Variants in EPB41L4A observed in about 807,000 individuals in gnomAD.
EPB41L4A encodes the protein erythrocyte membrane protein band 4.1 like 4A.
A neutral mutation model predicts 108.6 loss-of-function variants in EPB41L4A; 100 were observed. That is an observed-to-expected ratio of 0.92 (90% CI 0.78 to 1.09). The LOEUF (loss-of-function observed/expected upper bound fraction) is 1.09. Ranked by LOEUF, EPB41L4A falls within the 50% of genes least tolerant of loss-of-function variation. EPB41L4A has a pLI of 0.00. For missense variants in EPB41L4A, 1,030 were observed against 842.7 expected (o/e 1.22, Z -2.75); for synonymous variants, 319 against 289.0 (o/e 1.10, Z -1.05).
At chr5:112,169,983 T>C in intron 20 of EPB41L4A, 1 of 307,982 alleles carries the variant, frequency 3.2e-6, no homozygotes, top group South Asian at 3.6e-5. Context: ...CATAATTCTC[T>C]TGGTGTAAAA....
intron 1 of EPB41L4A, among the ~76,000 whole-genome samples, chr5:112,319,386 C>T (rs1184259320): frequency 6.6e-6 from 1 of 152,018 alleles, no homozygotes; most frequent in Non-Finnish European, 1.5e-5. Context: ...CAATAAAATG[C>T]CAACTAATAA....
At chr5:112,325,138 G>A (rs1466793716) in intron 1 of EPB41L4A, among the ~76,000 whole-genome samples, 3 of 140,138 alleles carry the variant, frequency 2.1e-5, no homozygotes, top group African/African-American at 6.1e-5. Context: ...GAGAAATTAC[G>A]CACAATTAAA....
At chr5:112,247,050 G>A (rs1173789992) in intron 9 of EPB41L4A, among the ~76,000 whole-genome samples, 1 of 152,208 alleles carries the variant, frequency 6.6e-6, no homozygotes, top group Non-Finnish European at 1.5e-5. Flanking sequence ...AGCCAGGTTT[G>A]TGTAAAAATA....
chr5:112,307,414 A>G lies in EPB41L4A; in HGVS notation c.176T>C (p.Leu59Pro). 6.2e-7 allele frequency: 1 copy of G among 1,613,128 alleles called. No homozygotes were observed. Among genetic ancestry groups the G allele is most frequent in the Non-Finnish European group, 8.5e-7 (1 of 1,179,192 alleles). Residue 59 changes from leucine to proline, a missense_variant, in exon 2 of 23, where the codon CTA becomes CCA. Transcript: ENST00000261486. ...VNLVEIDYFG[L>P]RYCDRSHQTY... The stretch of plus-strand genomic sequence containing the variant: ...CTGATGGCTTCTGTCACAGTAACGT[A>G]GCCCAAAATAATCTATCTCCACAAG...
At chr5:112,210,601 G>A (rs912060823) in intron 12 of EPB41L4A, among the ~76,000 whole-genome samples, 1 of 152,130 alleles carries the variant, frequency 6.6e-6, no homozygotes, top group Non-Finnish European at 1.5e-5. Flanking sequence ...AGAGGAACCA[G>A]CAGAGGGAGC....
At chr5:112,272,585 GCCT>G (rs1752340027) in intron 4 of EPB41L4A, among the ~76,000 whole-genome samples, 1 of 151,780 alleles carries the variant, frequency 6.6e-6, no homozygotes, top group Non-Finnish European at 1.5e-5. Context: ...TTCAAGACCA[GCCT>G]GCCCAACATG....
At chr5:112,389,828 T>G (rs1760811913) in intron 1 of EPB41L4A, among the ~76,000 whole-genome samples, 1 of 152,148 alleles carries the variant, frequency 6.6e-6, no homozygotes, top group South Asian at 2.1e-4. Context: ...TCTCACTTGA[T>G]CCTCACAACA....
At chr5:112,193,416 C>T (rs1761805372) in intron 17 of EPB41L4A, among the ~76,000 whole-genome samples, 1 of 152,220 alleles carries the variant, frequency 6.6e-6, no homozygotes, top group South Asian at 2.1e-4. Flanking sequence ...ATTCTCCTGC[C>T]TCTGCCTCCT....
At chr5:112,168,113 C>G (rs1024799112) in intron 22 of EPB41L4A, among the ~76,000 whole-genome samples, 1 of 152,176 alleles carries the variant, frequency 6.6e-6, no homozygotes, top group African/African-American at 2.4e-5. Flanking sequence ...TCTTATTCAG[C>G]CCACATTTTT....
chr5:112,267,855 C>G (rs1255709953), intron 4 of EPB41L4A, among the ~76,000 whole-genome samples: 1 of 152,166 alleles, frequency 6.6e-6, no homozygotes, highest in East Asian at 1.9e-4. Context: ...CTTAAGATAG[C>G]TTGTAAAACT....
intron 12 of EPB41L4A, among the ~76,000 whole-genome samples, chr5:112,211,106 A>C (rs150145859): frequency 6.6e-6 from 1 of 152,204 alleles, no homozygotes; most frequent in Non-Finnish European, 1.5e-5. Flanking sequence ...TCATTTTAAA[A>C]GATTTAAAAA....
intron 4 of EPB41L4A, 147 bp downstream of exon 4, chr5:112,275,179 A>G: frequency 1.0e-6 from 1 of 983,958 alleles, no homozygotes; most frequent in East Asian, 3.2e-5. Flanking sequence ...ATGCAATGCT[A>G]GTTTAAATTT....
chr5:112,267,656 T>A (rs1056012939), intron 4 of EPB41L4A, among the ~76,000 whole-genome samples: 244 of 146,874 alleles, frequency 1.7e-3, no homozygotes, highest in African/African-American at 6.3e-3. Context: ...CAGGTCACTC[T>A]CTCCTAAACT....
In EPB41L4A at chr5:112,390,245, C is replaced by T. The variant is rs558529609; in HGVS notation, c.99+28696G>A. Among the ~76,000 whole-genome samples, 4 of 152,260 alleles carry T rather than the reference C, an allele frequency of 2.6e-5. No homozygotes were observed. The East Asian group carries it at 7.7e-4, about 29-fold the overall frequency. On this transcript the variant is annotated intron_variant, in intron 1 of 22. Coordinates refer to ENST00000261486, the MANE Select transcript of EPB41L4A (RefSeq NM_022140.5). ...GGTGAGCCAAAGCAGGGCGGGGCAT[C>T]GCCTCACCTGGGAAGCACAAGGGGT...
In EPB41L4A at chr5:112,183,587, CTCACTGACTACT is replaced by C. The variant is rs140847632; in HGVS notation, c.1622+417_1622+428del. Among the ~76,000 whole-genome samples, 874 of 152,312 alleles carry C rather than the reference CTCACTGACTACT, an allele frequency of 5.7e-3. 3 individuals carry two copies. Among genetic ancestry groups the C allele is most frequent in the Middle Eastern group, 0.014 (4 of 294 alleles). On this transcript the variant is annotated intron_variant, in intron 18 of 22. Coordinates refer to ENST00000261486, the MANE Select transcript of EPB41L4A (RefSeq NM_022140.5). ...TCCAACACTGAGGTGTAATGAATCA[CTCACTGACTACT>C]GTTCACAAATTGTATTTTGATGGGA...
chr5:112,211,993 T>C (rs567961407), intron 12 of EPB41L4A, among the ~76,000 whole-genome samples: 1 of 152,300 alleles, frequency 6.6e-6, no homozygotes, highest in East Asian at 1.9e-4. Flanking sequence ...AAGAAAAGAC[T>C]AATGTTAGGG....
At chr5:112,204,532 T>TG (rs774230346) in intron 14 of EPB41L4A, 44 bp from the exon 15 acceptor site, 3 of 1,357,126 alleles carry the variant, frequency 2.2e-6, no homozygotes, top group Non-Finnish European at 3.2e-6. Flanking sequence ...AGAGAGTTCC[T>TG]GGGGGAAAAC....
At chr5:112,200,152 A>C (rs1291033853) in intron 15 of EPB41L4A, among the ~76,000 whole-genome samples, 5 of 152,152 alleles carry the variant, frequency 3.3e-5, no homozygotes, top group Non-Finnish European at 1.5e-5. Context: ...TTTCGTTTTC[A>C]TGAAGGTTTC....
At chr5:112,158,732 T>G (rs1381782638), downstream of EPB41L4A, among the ~76,000 whole-genome samples, 1 of 151,996 alleles carries the variant, frequency 6.6e-6, no homozygotes. Flanking sequence ...TCTGGTGAGA[T>G]CTCCTGAGAA....
Sources: gnomAD v4.1 joint callset for allele counts (sites outside exome capture counted in the v4.1 genomes callset) on GRCh38, gnomAD v4.1.1 for gene constraint, MANE v1.5 for transcripts, NCBI Gene and HGNC (gene_info 2026-07-23, HGNC 2026-07-21) for gene names.